FOXO1: variants seen among roughly 807,000 people sequenced by gnomAD.
FOXO1 encodes forkhead box protein O1.
Under a neutral mutation model 44.1 loss-of-function variants are expected in FOXO1, and 6 were observed. The ratio of observed to expected loss-of-function variants is 0.14; its 90% CI spans 0.07 to 0.27. The LOEUF (loss-of-function observed/expected upper bound fraction) is 0.27, where lower values mean the gene tolerates loss of function less well. Ranked by LOEUF, FOXO1 falls within the 10% of genes least tolerant of loss-of-function variation. The probability of loss-of-function intolerance (pLI) is 1.00; values close to 1 mark genes in which losing one functional copy is unlikely to be tolerated. For missense variants in FOXO1, 737 were observed against 888.8 expected (o/e 0.83, Z 2.17); for synonymous variants, 380 against 362.7 (o/e 1.05, Z -0.54).
chr13:40,613,741 C>A (rs1006665500), intron 1 of FOXO1, among the ~76,000 whole-genome samples: 1 of 152,186 alleles, frequency 6.6e-6, no homozygotes, highest in Non-Finnish European at 1.5e-5. Flanking sequence ...CAAACACAAG[C>A]GTGAGCCACA....
chr13:40,643,474 G>C (rs1301266319), intron 1 of FOXO1, among the ~76,000 whole-genome samples: 2 of 152,006 alleles, frequency 1.3e-5, no homozygotes, highest in Non-Finnish European at 2.9e-5. Context: ...TAGAGCCTAA[G>C]ATACTTCACA....
At chr13:40,635,926 T>G (rs1436486470) in intron 1 of FOXO1, among the ~76,000 whole-genome samples, 1 of 152,176 alleles carries the variant, frequency 6.6e-6, no homozygotes, top group African/African-American at 2.4e-5. Context: ...TAAAAACCAG[T>G]GGGAGCCAGC....
chr13:40,588,697 A>G (rs1875262508), intron 1 of FOXO1, among the ~76,000 whole-genome samples: 3 of 152,110 alleles, frequency 2.0e-5, no homozygotes, highest in Admixed American at 2.0e-4. Context: ...CCCTCAACCA[A>G]ATCTTCCTGA....
intron 1 of FOXO1, among the ~76,000 whole-genome samples, chr13:40,631,547 C>T (rs1876963512): frequency 6.6e-6 from 1 of 152,130 alleles, no homozygotes; most frequent in African/African-American, 2.4e-5. Flanking sequence ...TTCACAACAC[C>T]CAAAAGGTGT....
At chr13:40,639,843 T>G (rs1877290668) in intron 1 of FOXO1, among the ~76,000 whole-genome samples, 1 of 152,236 alleles carries the variant, frequency 6.6e-6, no homozygotes, top group African/African-American at 2.4e-5. Context: ...CTCCCTTCTA[T>G]CTGAAAAATC....
chr13:40,616,330 A>G (rs1021998220), intron 1 of FOXO1, among the ~76,000 whole-genome samples: 1 of 152,214 alleles, frequency 6.6e-6, no homozygotes, highest in Non-Finnish European at 1.5e-5. Context: ...CCTGGCACAC[A>G]ACAAAAAATT....
At chr13:40,590,268 T>C (rs949880130) in intron 1 of FOXO1, among the ~76,000 whole-genome samples, 2 of 152,208 alleles carry the variant, frequency 1.3e-5, no homozygotes, top group African/African-American at 4.8e-5. Context: ...TAATATCTAA[T>C]AACATCTAAG....
intron 1 of FOXO1, among the ~76,000 whole-genome samples, chr13:40,600,399 C>T (rs1228936130): frequency 6.6e-6 from 1 of 152,134 alleles, no homozygotes; most frequent in Non-Finnish European, 1.5e-5. Flanking sequence ...TTGGGGGGCA[C>T]TCACATAGAT....
chr13:40,650,377 G>A (rs1367840927), intron 1 of FOXO1, among the ~76,000 whole-genome samples: 11 of 152,134 alleles, frequency 7.2e-5, no homozygotes, highest in African/African-American at 2.4e-4. Context: ...TGCCTTAACC[G>A]TCTGGGAATG....
At chr13:40,603,354 A>C (rs1271039328) in intron 1 of FOXO1, among the ~76,000 whole-genome samples, 2 of 56,078 alleles carry the variant, frequency 3.6e-5, no homozygotes, top group Non-Finnish European at 6.3e-5. Flanking sequence ...AGATGAATCC[A>C]AAAAAAAAAA....
At chr13:40,607,127 G>T (rs1162837644) in intron 1 of FOXO1, among the ~76,000 whole-genome samples, 3 of 152,130 alleles carry the variant, frequency 2.0e-5, no homozygotes, top group African/African-American at 7.2e-5. Context: ...TTCCAAGTGA[G>T]ATCTCCCTAT....
chr13:40,598,318 G>C (rs1374840491), intron 1 of FOXO1, among the ~76,000 whole-genome samples: 1 of 152,162 alleles, frequency 6.6e-6, no homozygotes, highest in East Asian at 1.9e-4. Flanking sequence ...TTCAGTTTTT[G>C]GGGCTTTTCT....
intron 1 of FOXO1, among the ~76,000 whole-genome samples, chr13:40,637,078 A>C (rs1346574331): frequency 6.6e-6 from 1 of 152,186 alleles, no homozygotes; most frequent in East Asian, 1.9e-4. Flanking sequence ...GGTTGGATTC[A>C]AACTTGACAG....
chr13:40,625,469 T>C (rs999276260), intron 1 of FOXO1, among the ~76,000 whole-genome samples: 1 of 152,168 alleles, frequency 6.6e-6, no homozygotes, highest in Non-Finnish European at 1.5e-5. Context: ...AATTTCCCAC[T>C]GTTAACACTG....
At chr13:40,578,603 T>TA (rs1327804367) in intron 1 of FOXO1, among the ~76,000 whole-genome samples, 1 of 152,206 alleles carries the variant, frequency 6.6e-6, no homozygotes, top group Non-Finnish European at 1.5e-5. Flanking sequence ...ACCTCCAAAG[T>TA]AGCTTCAGGA....
rs560090280 is a variant in FOXO1 at position 40,621,289 on chromosome 13, A to G, written c.630+44294T>C. The G allele has an allele frequency of 1.0e-4, 77 of 758,900 alleles. No homozygotes were observed. In the East Asian group the frequency reaches 3.3e-3, roughly 32 times the overall value. The allele number at this position is 758,900 out of a possible 1,614,324, so 47.0% of individuals were successfully genotyped here. On this transcript the variant is annotated intron_variant, in intron 1 of 2. Coordinates refer to ENST00000379561, the MANE Select transcript of FOXO1 (RefSeq NM_002015.4). ...TGTACTGACCGATGGCTCTCAGAGAATTTCACTTGTCCGATCTGTCAGCAG... is the reference window on the plus strand; with the variant it reads ...TGTACTGACCGATGGCTCTCAGAGAGTTTCACTTGTCCGATCTGTCAGCAG...
chr13:40,662,518 T>C (rs1253119917), intron 1 of FOXO1, among the ~76,000 whole-genome samples: 1 of 152,212 alleles, frequency 6.6e-6, no homozygotes, highest in Non-Finnish European at 1.5e-5. Flanking sequence ...TTATAGCAAT[T>C]CTAGCCAATA....
chr13:40,567,401 A>G (rs948444141), intron 1 of FOXO1, among the ~76,000 whole-genome samples: 9 of 152,058 alleles, frequency 5.9e-5, no homozygotes, highest in Non-Finnish European at 1.3e-4. Context: ...CAACAGCCCT[A>G]TAAGGCAGGT....
chr13:40,581,866 A>C (rs571314791), intron 1 of FOXO1, among the ~76,000 whole-genome samples: 2 of 152,170 alleles, frequency 1.3e-5, no homozygotes, highest in Non-Finnish European at 2.9e-5. Flanking sequence ...TAAAAAGGGG[A>C]TCCTACAAAG....
Sources: gnomAD v4.1 joint callset for allele counts (sites outside exome capture counted in the v4.1 genomes callset) on GRCh38, gnomAD v4.1.1 for gene constraint, MANE v1.5 for transcripts, NCBI Gene and HGNC (gene_info 2026-07-23, HGNC 2026-07-21) for gene names.